Variants in FDFT1 observed in about 807,000 individuals in gnomAD.
FDFT1 encodes the protein farnesyl-diphosphate farnesyltransferase 1.
In FDFT1, 68 loss-of-function variants were observed where a neutral mutation model predicts 46.8. The observed-to-expected ratio is 1.45, with a 90% confidence interval of 1.19 to 1.78. FDFT1 has a LOEUF of 1.78. Among genes scored for constraint, FDFT1 ranks in the 40% most tolerant of loss-of-function variants. The pLI is 0.00. For missense variants in FDFT1, 928 were observed against 524.4 expected, an observed-to-expected ratio of 1.77 and a Z score of -7.52; for synonymous variants, 351 against 185.1, an observed-to-expected ratio of 1.90 and a Z score of -7.28.
At chr8:11,796,371 C>T (rs117800140) in intron 1 of FDFT1, among the ~76,000 whole-genome samples, 2 of 151,942 alleles carry the variant, frequency 1.3e-5, no homozygotes, top group African/African-American at 4.8e-5. Flanking sequence ...TGTGAGGTGG[C>T]GAAACAGACA....
intron 3 of FDFT1, among the ~76,000 whole-genome samples, chr8:11,820,345 C>G (rs1474498039): frequency 6.6e-6 from 1 of 152,202 alleles, no homozygotes; most frequent in Non-Finnish European, 1.5e-5. Context: ...TACTGGAGTT[C>G]AAATGCCGAG....
At chr8:11,823,279 T>A (rs964046451) in intron 4 of FDFT1, among the ~76,000 whole-genome samples, 1 of 152,146 alleles carries the variant, frequency 6.6e-6, no homozygotes, top group South Asian at 2.1e-4. Flanking sequence ...TTCTTCTACT[T>A]TGGGGGAAGA....
chr8:11,823,130 A>G (rs372636161), intron 4 of FDFT1, among the ~76,000 whole-genome samples: 1 of 151,854 alleles, frequency 6.6e-6, no homozygotes, highest in African/African-American at 2.4e-5. Context: ...ATTTTTGTAC[A>G]TTTTTTGTAG....
chr8:11,815,719 T>C (rs1458244538), intron 3 of FDFT1, among the ~76,000 whole-genome samples: 3 of 152,168 alleles, frequency 2.0e-5, no homozygotes, highest in African/African-American at 2.4e-5. Flanking sequence ...GATGGGGTTG[T>C]TGATTTTCTT....
chr8:11,802,953 G>C (rs775994152), intron 1 of FDFT1, 22 bp downstream of exon 1: 8 of 1,580,208 alleles, frequency 5.1e-6, no homozygotes, highest in Non-Finnish European at 6.9e-6. Context: ...CTCCCTGCTT[G>C]CCCGGGGCGG....
intron 3 of FDFT1, among the ~76,000 whole-genome samples, chr8:11,820,972 C>T (rs1316631166): frequency 6.6e-6 from 1 of 152,216 alleles, no homozygotes; most frequent in African/African-American, 2.4e-5. Flanking sequence ...GAGCTGTAGA[C>T]CAGAGCTGTT....
In FDFT1 at chr8:11,823,161, G is replaced by T. The variant is rs145599357; in HGVS notation, c.510+1283G>T. The stretch of plus-strand genomic sequence containing the variant: ...TGTAGAGAGAGGGTTTTGCCATGTT[G>T]CCCAGGCTAGTCTCAAACTCCTGGC... On this transcript the variant is annotated intron_variant, in intron 4 of 7. Coordinates refer to ENST00000220584, the MANE Select transcript of FDFT1 (RefSeq NM_004462.5). Among the ~76,000 whole-genome samples, 327 of 152,128 alleles carry T rather than the reference G, an allele frequency of 2.1e-3. 3 individuals carry two copies. Among genetic ancestry groups the T allele is most frequent in the African/African-American group, 7.6e-3 (317 of 41,490 alleles).
chr8:11,831,449 A>T (rs1441252207), intron 6 of FDFT1, 69 bp from the exon 7 acceptor site: 9 of 1,446,430 alleles, frequency 6.2e-6, no homozygotes, highest in Non-Finnish European at 7.7e-6. Flanking sequence ...AGGTTTTCTT[A>T]CCTTTTTGTG....
chr8:11,820,455 G>C (rs1563320485), intron 3 of FDFT1, among the ~76,000 whole-genome samples: 1 of 149,778 alleles, frequency 6.7e-6, no homozygotes, highest in Admixed American at 6.7e-5. Flanking sequence ...TGCCCCCAGA[G>C]ATGCAATCTA....
At chr8:11,826,929 A>T (rs1033200609) in intron 5 of FDFT1, among the ~76,000 whole-genome samples, 1 of 152,162 alleles carries the variant, frequency 6.6e-6, no homozygotes, top group Non-Finnish European at 1.5e-5. Flanking sequence ...CACAGAATGG[A>T]TTTCCCCCAA....
chr8:11,808,331 C>G (rs966701779), intron 1 of FDFT1: 2 of 1,233,548 alleles, frequency 1.6e-6, no homozygotes, highest in Admixed American at 4.2e-5. Flanking sequence ...AGAAGGGCAA[C>G]AGCGGGAGGA....
At chr8:11,796,385 G>C (rs1006667286) in intron 1 of FDFT1, among the ~76,000 whole-genome samples, 5 of 152,188 alleles carry the variant, frequency 3.3e-5, no homozygotes, top group African/African-American at 1.2e-4. Context: ...ACAGACAAGA[G>C]ATTATTAGAA....
At chr8:11,814,700 A>G (rs900704519) in intron 3 of FDFT1, among the ~76,000 whole-genome samples, 1 of 152,246 alleles carries the variant, frequency 6.6e-6, no homozygotes, top group Non-Finnish European at 1.5e-5. Context: ...TGGAAAAAGT[A>G]TTGGGCAGCA....
At chr8:11,810,541 G>A (rs1367673384) in intron 3 of FDFT1, among the ~76,000 whole-genome samples, 1 of 152,158 alleles carries the variant, frequency 6.6e-6, no homozygotes, top group Non-Finnish European at 1.5e-5. Context: ...TTAGTGCCTG[G>A]TACAGGGTAA....
At chr8:11,806,071 G>T (rs751746418) in intron 1 of FDFT1, among the ~76,000 whole-genome samples, 7 of 152,146 alleles carry the variant, frequency 4.6e-5, no homozygotes, top group African/African-American at 9.7e-5. Context: ...AGTGAGGAAG[G>T]CTCCGTGGAG....
intron 5 of FDFT1, among the ~76,000 whole-genome samples, chr8:11,828,327 C>G (rs377538273): frequency 4.6e-5 from 7 of 152,308 alleles, no homozygotes; most frequent in South Asian, 4.1e-4. Context: ...ACAAAAAACA[C>G]TTCCCTCAGC....
chr8:11,837,762 G>A (rs765088739), intron 7 of FDFT1, among the ~76,000 whole-genome samples: 15 of 151,800 alleles, frequency 9.9e-5, no homozygotes, highest in Non-Finnish European at 1.8e-4. Context: ...TTAGACTCAC[G>A]TTGGAGACTG....
At chr8:11,803,547 A>C in intron 1 of FDFT1, 1 of 1,102,778 alleles carries the variant, frequency 9.1e-7, no homozygotes, top group Non-Finnish European at 1.2e-6. Context: ...TTAGATTTTT[A>C]TCTGCCTCAT....
intron 3 of FDFT1, among the ~76,000 whole-genome samples, chr8:11,816,946 A>T (rs988101933): frequency 1.3e-5 from 2 of 152,154 alleles, no homozygotes; most frequent in Non-Finnish European, 2.9e-5. Context: ...TGTCTTGTGC[A>T]GGTTTTCAAA....
Sources: allele counts gnomAD v4.1 joint callset (sites outside exome capture counted in the v4.1 genomes callset), GRCh38; gene constraint gnomAD v4.1.1; transcripts MANE v1.5; gene names NCBI Gene and HGNC (gene_info 2026-07-23, HGNC 2026-07-21).